SYN2: variants seen among roughly 807,000 people sequenced by gnomAD.
SYN2 encodes synapsin II.
SYN2 carries 19 observed loss-of-function variants against 50.9 expected under a neutral mutation model. That is an observed-to-expected ratio of 0.37 (90% CI 0.26 to 0.55). The LOEUF is 0.55. Ranked by LOEUF, SYN2 falls within the 20% of genes least tolerant of loss-of-function variation. SYN2 has a pLI of 0.81. For synonymous variants in SYN2, 255 were observed against 224.9 expected (o/e 1.13, Z -1.20); for missense variants, 587 against 576.4 (o/e 1.02, Z -0.19).
chr3:12,180,507 G>A (rs985281628), intron 10 of SYN2, among the ~76,000 whole-genome samples: 18 of 152,200 alleles, frequency 1.2e-4, no homozygotes, highest in African/African-American at 4.1e-4. Flanking sequence ...CAGATCCCAT[G>A]GTAGCCAAGC....
At chr3:12,107,937 A>C (rs1010946009) in intron 1 of SYN2, among the ~76,000 whole-genome samples, 1 of 152,104 alleles carries the variant, frequency 6.6e-6, no homozygotes, top group Non-Finnish European at 1.5e-5. Flanking sequence ...CCAGCCGTGC[A>C]TGGTGGTTTA....
rs190434037 is a variant in SYN2 at position 12,132,116 on chromosome 3, C to T, written c.378-8535C>T. 4.0e-3 allele frequency among the ~76,000 whole-genome samples: 597 copies of T among 149,698 alleles called. 7 individuals carry two copies. The highest frequency in any genetic ancestry group is 5.5e-3 in the Non-Finnish European group (371 of 67,764). On this transcript the variant is annotated intron_variant, in intron 1 of 12. Transcript: ENST00000621198. ...CGAACTCCTGGGCTCAAGTGATCCT[C>T]CAGCCTCAGCCTCCCAGGTAGTTTG...
At chr3:12,011,465 G>A (rs1263776653) in intron 1 of SYN2, among the ~76,000 whole-genome samples, 23 of 152,192 alleles carry the variant, frequency 1.5e-4, no homozygotes, top group Admixed American at 1.5e-3. Context: ...ACAGGTGCCT[G>A]AACTCTAAGG....
chr3:12,021,572 T>C (rs1460546214), intron 1 of SYN2, among the ~76,000 whole-genome samples: 1 of 152,092 alleles, frequency 6.6e-6, no homozygotes, highest in Non-Finnish European at 1.5e-5. Context: ...CAACATCTTG[T>C]TTCTACAAAT....
chr3:12,048,292 C>T (rs995745886), intron 1 of SYN2, among the ~76,000 whole-genome samples: 1 of 152,138 alleles, frequency 6.6e-6, no homozygotes, highest in Admixed American at 6.5e-5. Context: ...CTCAGCCTCC[C>T]GAGTAGCTGG....
rs2125225037 is a variant in SYN2, at chr3:12,151,320, A to G, written c.768A>G (p.Lys256=). 6.2e-7 allele frequency: 1 copy of G among 1,612,428 alleles called. No homozygotes were observed. The highest frequency in any genetic ancestry group is 2.2e-5 in the East Asian group (1 of 44,870). Residue 256 remains lysine (K), a synonymous_variant, in exon 5 of 13, where the codon AAA becomes AAG. Transcript: ENST00000621198. ...AACAGACATACTACCCCAACCACAA[A>G]GAGATGGTAAGTGGCTCAGTGGGGA... ...LIEQTYYPNH[K]EMLTLPTFPV...
chr3:12,147,385 G>A (rs1181313001), intron 4 of SYN2, among the ~76,000 whole-genome samples: 1 of 152,178 alleles, frequency 6.6e-6, no homozygotes, highest in African/African-American at 2.4e-5. Flanking sequence ...TGGTTAAGGA[G>A]GGGGTTGGGT....
chr3:12,157,934 G>T (rs528543463), intron 5 of SYN2, among the ~76,000 whole-genome samples: 1 of 152,228 alleles, frequency 6.6e-6, no homozygotes, highest in Non-Finnish European at 1.5e-5. Flanking sequence ...CTGCACTGAG[G>T]TATTGCATCT....
At chr3:12,158,936 C>A in intron 5 of SYN2, 1 of 1,417,664 alleles carries the variant, frequency 7.1e-7, no homozygotes. Flanking sequence ...TCGCCCCAGG[C>A]TTTATGAGGT....
At chr3:12,048,785 C>G (rs772752132) in intron 1 of SYN2, among the ~76,000 whole-genome samples, 46 of 152,114 alleles carry the variant, frequency 3.0e-4, no homozygotes, top group Non-Finnish European at 5.3e-4. Context: ...ATAATATGCC[C>G]AAGTCATGCA....
chr3:12,061,441 A>G (rs996926745), intron 1 of SYN2, among the ~76,000 whole-genome samples: 2 of 152,130 alleles, frequency 1.3e-5, no homozygotes, highest in Admixed American at 1.3e-4. Context: ...AAAAGCCTAT[A>G]TTGTACTTAA....
intron 5 of SYN2, chr3:12,156,810 TTTAAC>T: frequency 6.2e-7 from 1 of 1,610,050 alleles, no homozygotes; most frequent in Non-Finnish European, 8.5e-7. Context: ...TTGTTGGTCT[TTTAAC>T]TTACCAGTCA....
intron 1 of SYN2, among the ~76,000 whole-genome samples, chr3:12,020,893 A>G (rs949968750): frequency 2.2e-4 from 33 of 152,332 alleles, no homozygotes; most frequent in Middle Eastern, 3.4e-3. Context: ...ATGATTTATT[A>G]TATCAGTATG....
At position 12,191,660 on chromosome 3, in the gene SYN2, C is replaced by T. The variant is rs1050006022; in HGVS notation, c.*1035C>T. Among the ~76,000 whole-genome samples, 3 of 152,190 alleles carry T rather than the reference C, an allele frequency of 2.0e-5. No individual in the cohort carries two copies. Among genetic ancestry groups the T allele is most frequent in the African/African-American group, 7.2e-5 (3 of 41,448 alleles). Reference sequence around the variant, plus strand: ...CAGTGAATCTGTCTCCTCCAAGACACCTAGCCTTCCTTCAGCAACTCAGCG... The same window carrying T: ...CAGTGAATCTGTCTCCTCCAAGACATCTAGCCTTCCTTCAGCAACTCAGCG... On this transcript the variant is annotated 3_prime_UTR_variant, in exon 13 of 13. Transcript: ENST00000621198.
intron 1 of SYN2, among the ~76,000 whole-genome samples, chr3:12,086,324 C>G (rs1367244853): frequency 2.0e-5 from 3 of 152,130 alleles, no homozygotes; most frequent in Non-Finnish European, 4.4e-5. Context: ...TCAAACTCTT[C>G]CAAAAAATGG....
At chr3:12,163,880 C>G (rs1697717952) in intron 7 of SYN2, among the ~76,000 whole-genome samples, 1 of 151,958 alleles carries the variant, frequency 6.6e-6, no homozygotes, top group South Asian at 2.1e-4. Context: ...AGTTCAAGAC[C>G]AACCTGGGAA....
chr3:12,154,134 G>T (rs1003381145), intron 5 of SYN2, among the ~76,000 whole-genome samples: 1 of 152,198 alleles, frequency 6.6e-6, no homozygotes, highest in Non-Finnish European at 1.5e-5. Flanking sequence ...TCTGCCTCCT[G>T]TGATGGCCAC....
intron 1 of SYN2, among the ~76,000 whole-genome samples, chr3:12,111,136 A>G (rs1019162366): frequency 9.2e-5 from 14 of 152,138 alleles, no homozygotes; most frequent in Admixed American, 6.5e-4. Flanking sequence ...TAATTGAATC[A>G]GGGGGGCAGA....
intron 1 of SYN2, among the ~76,000 whole-genome samples, chr3:12,028,720 G>C (rs1694319723): frequency 6.8e-6 from 1 of 148,142 alleles, no homozygotes; most frequent in Non-Finnish European, 1.5e-5. Context: ...TTTTGATGGG[G>C]TTGTTTGTTT....
Sources: allele counts gnomAD v4.1 joint callset (sites outside exome capture counted in the v4.1 genomes callset), GRCh38; gene constraint gnomAD v4.1.1; transcripts MANE v1.5; gene names NCBI Gene and HGNC (gene_info 2026-07-23, HGNC 2026-07-21).